Variants in PLEKHG7 observed in about 807,000 individuals in gnomAD.
The protein encoded by PLEKHG7 is pleckstrin homology domain-containing family G member 7.
In PLEKHG7, 77 loss-of-function variants were observed where a neutral mutation model predicts 85.2. The ratio of observed to expected loss-of-function variants is 0.90; its 90% CI spans 0.75 to 1.09. The LOEUF is 1.09. PLEKHG7 is among the 50% of genes least tolerant of loss of function. PLEKHG7 has a pLI of 0.00. For synonymous variants in PLEKHG7, 301 were observed against 302.4 expected (o/e 1.00, Z 0.05); for missense variants, 777 against 804.3 (o/e 0.97, Z 0.41).
Position 92,721,520 on chromosome 12 carries a change from C to T in PLEKHG7, c.531-7473C>T, listed in dbSNP as rs149891422. On this transcript the variant is annotated intron_variant, in intron 3 of 16. Transcript: ENST00000344636. ...CTGACCAGCTTGGGGCAACGCAACT[C>T]AGGGTTAGTGAAAGAGTGGCTATAT... 1,009 of 1,221,186 alleles carry T rather than the reference C, an allele frequency of 8.3e-4. 5 individuals carry two copies. In the African/African-American group the frequency reaches 0.015, roughly 18 times the overall value. The allele number at this position is 1,221,186 out of a possible 1,614,324, so 75.6% of individuals were successfully genotyped here. A position where few individuals can be genotyped will look rare whatever the true frequency, so the allele number is the denominator to read the frequency against.
chr12:92,728,394 T>C lies in PLEKHG7; in HGVS notation c.531-599T>C, dbSNP rs559500843. Among the ~76,000 whole-genome samples, 10 of 90,994 alleles carry C rather than the reference T, an allele frequency of 1.1e-4. 3 individuals are homozygous for C. The East Asian group carries it at 4.0e-3, about 37-fold the overall frequency. The allele number at this position is 90,994 out of a possible 152,430, so 59.7% of individuals were successfully genotyped here. ...TCCATGGTGTATATATAAATATATATACACACCACATTCCATGGTGTATAT... is the reference window on the plus strand; with the variant it reads ...TCCATGGTGTATATATAAATATATACACACACCACATTCCATGGTGTATAT... On this transcript the variant is annotated intron_variant, in intron 3 of 16. Coordinates refer to ENST00000344636, the MANE Select transcript of PLEKHG7 (RefSeq NM_001377329.1).
Position 92,706,855 on chromosome 12 carries a change from G to A in PLEKHG7, c.224G>A (p.Gly75Glu). ...AWQVTTWGSWGAPVGFPCYLS... is the reference protein window; with the variant it reads ...AWQVTTWGSWEAPVGFPCYLS... ...CAGGTGACCACCTGGGGAAGCTGGGGAGCTCCTGTGGGCTTCCCATGTTAC... is the reference window on the plus strand; with the variant it reads ...CAGGTGACCACCTGGGGAAGCTGGGAAGCTCCTGTGGGCTTCCCATGTTAC... The change falls in exon 2 of 17, where the codon GGA (glycine) becomes GAA (glutamate). Residue 75 changes from glycine to glutamate, a missense_variant. Transcript: ENST00000344636. 6.2e-7 allele frequency: 1 copy of A among 1,613,936 alleles called. No individual in the cohort carries two copies. Among genetic ancestry groups the A allele is most frequent in the Non-Finnish European group, 8.5e-7 (1 of 1,180,012 alleles).
At chr12:92,768,703 C>T (rs1299407981) in intron 15 of PLEKHG7, among the ~76,000 whole-genome samples, 1 of 151,980 alleles carries the variant, frequency 6.6e-6, no homozygotes, top group Admixed American at 6.6e-5. Context: ...GAGCAGGGGC[C>T]CCATTACCTA....
chr12:92,726,178 A>G (rs894968892), intron 3 of PLEKHG7, among the ~76,000 whole-genome samples: 18 of 152,204 alleles, frequency 1.2e-4, no homozygotes, highest in African/African-American at 4.3e-4. Context: ...TGTCAGAACC[A>G]TGGAACTTGG....
chr12:92,740,300 A>G (rs7958821), intron 7 of PLEKHG7, among the ~76,000 whole-genome samples: 69,008 of 152,062 alleles, frequency 0.45, 16,590 homozygotes, highest in East Asian at 0.89. Context: ...ATAGTTCTCC[A>G]ATTTGTGAAA....
At chr12:92,767,529 A>G (rs1297497743) in intron 15 of PLEKHG7, among the ~76,000 whole-genome samples, 5 of 152,114 alleles carry the variant, frequency 3.3e-5, no homozygotes, top group African/African-American at 4.8e-5. Flanking sequence ...AGTCATTTTA[A>G]TAGGTTTAAG....
Position 92,732,238 on chromosome 12 carries a change from A to C in PLEKHG7, c.664A>C (p.Lys222Gln). ...HPLLLLNSESKKPRWPFSKRG... is the reference protein window; with the variant it reads ...HPLLLLNSESQKPRWPFSKRG... Reference sequence around the variant, plus strand: ...TTGTCTTTAATTTCACCCAGAATCCAAAAAGCCAAGATGGCCTTTCTCCAA... The same window carrying C: ...TTGTCTTTAATTTCACCCAGAATCCCAAAAGCCAAGATGGCCTTTCTCCAA... The change falls in exon 5 of 17, where the codon AAA becomes CAA. Residue 222 changes from lysine to glutamine, a missense_variant. Lys to Gln is a moderately conservative substitution (Grantham distance 53). Transcript: ENST00000344636. 3 of 1,231,016 alleles carry C rather than the reference A, an allele frequency of 2.4e-6. No individual in the cohort carries two copies. The highest frequency in any genetic ancestry group is 3.0e-6 in the Non-Finnish European group (3 of 987,016). 76.3% of individuals were successfully genotyped at this position (1,231,016 alleles called of 1,614,324 possible). A position where few individuals can be genotyped will look rare whatever the true frequency, so the allele number is the denominator to read the frequency against.
intron 14 of PLEKHG7, among the ~76,000 whole-genome samples, chr12:92,762,662 G>T (rs1565797956): frequency 6.6e-6 from 1 of 152,142 alleles, no homozygotes; most frequent in Admixed American, 6.5e-5. Flanking sequence ...CCAGACACCT[G>T]CTCTAAGAGG....
intron 10 of PLEKHG7, among the ~76,000 whole-genome samples, chr12:92,749,957 A>ACATTT (rs372907429): frequency 1.7e-5 from 2 of 121,154 alleles, no homozygotes; most frequent in Non-Finnish European, 3.4e-5. Flanking sequence ...ATTTTATTTT[A>ACATTT]TATTTTATTT....
At chr12:92,749,192 A>G (rs1353120529) in intron 10 of PLEKHG7, among the ~76,000 whole-genome samples, 1 of 152,238 alleles carries the variant, frequency 6.6e-6, no homozygotes, top group Non-Finnish European at 1.5e-5. Flanking sequence ...TCCACACCAC[A>G]TGAGGCTAAG....
chr12:92,747,317 T>C (rs992410093), intron 10 of PLEKHG7, among the ~76,000 whole-genome samples: 5 of 144,906 alleles, frequency 3.5e-5, no homozygotes, highest in African/African-American at 5.1e-5. Flanking sequence ...AAAACCACAA[T>C]GAGATATCAT....
chr12:92,707,266 G>A, intron 2 of PLEKHG7, 128 bp downstream of exon 2: 2 of 1,442,432 alleles, frequency 1.4e-6, no homozygotes, highest in East Asian at 2.5e-5. Context: ...GTCACACTGA[G>A]GGGACACATT....
intron 10 of PLEKHG7, among the ~76,000 whole-genome samples, chr12:92,749,933 T>A (rs1872641295): frequency 7.9e-6 from 1 of 126,966 alleles, no homozygotes; most frequent in Non-Finnish European, 1.6e-5. Flanking sequence ...TTTATTTATT[T>A]TATTTTATAT....
intron 4 of PLEKHG7, among the ~76,000 whole-genome samples, chr12:92,729,544 G>C (rs1339241256): frequency 6.6e-6 from 1 of 151,742 alleles, no homozygotes; most frequent in African/African-American, 2.4e-5. Context: ...GGTACCATGG[G>C]GAGGCAGAGG....
Position 92,706,539 on chromosome 12 carries a change from G to C in PLEKHG7, c.-93G>C, listed in dbSNP as rs1871231618. On this transcript the variant is annotated 5_prime_UTR_variant, in exon 2 of 17. Coordinates refer to ENST00000344636, the MANE Select transcript of PLEKHG7 (RefSeq NM_001377329.1). ...ACTACGAGAGGAAGCATGGCACTTG[G>C]ATGCAGAAATTGAGCACCCTCCATG... 1 of 1,437,532 alleles carries C rather than the reference G, an allele frequency of 7.0e-7. No individual in the cohort carries two copies. The highest frequency in any genetic ancestry group is 9.3e-7 in the Non-Finnish European group (1 of 1,076,566). 89.0% of individuals were successfully genotyped at this position (1,437,532 alleles called of 1,614,324 possible).
chr12:92,737,597 A>C (rs1386793651), intron 7 of PLEKHG7, 76 bp downstream of exon 7: 2 of 1,346,632 alleles, frequency 1.5e-6, no homozygotes, highest in Non-Finnish European at 1.0e-6. Flanking sequence ...TCCTCTTCTG[A>C]AAGAAATAAA....
At chr12:92,722,807 TA>T (rs957295540) in intron 3 of PLEKHG7, among the ~76,000 whole-genome samples, 1 of 152,224 alleles carries the variant, frequency 6.6e-6, no homozygotes, top group Non-Finnish European at 1.5e-5. Context: ...TTTCGATCTA[TA>T]GGTCAACATG....
At chr12:92,744,376 A>G (rs1358048803) in intron 9 of PLEKHG7, among the ~76,000 whole-genome samples, 1 of 152,234 alleles carries the variant, frequency 6.6e-6, no homozygotes, top group Non-Finnish European at 1.5e-5. Context: ...GAAGAGAAAA[A>G]GAATAACCAT....
intron 5 of PLEKHG7, among the ~76,000 whole-genome samples, chr12:92,733,505 T>C (rs1024520477): frequency 3.3e-5 from 5 of 152,196 alleles, no homozygotes; most frequent in Non-Finnish European, 5.9e-5. Context: ...GGTAACACCA[T>C]TGCCACCAGG....
Sources: gnomAD v4.1 joint callset for allele counts (sites outside exome capture counted in the v4.1 genomes callset) on GRCh38, gnomAD v4.1.1 for gene constraint, MANE v1.5 for transcripts, NCBI Gene and HGNC (gene_info 2026-07-23, HGNC 2026-07-21) for gene names.